The following TOX3 variants were observed in gnomAD, a reference collection of about 807,000 sequenced individuals.
TOX3 encodes the protein TOX high mobility group box family member 3, also known as CAG trinucleotide repeat-containing gene F9 protein.
A neutral mutation model predicts 64.3 loss-of-function variants in TOX3; 22 were observed. The observed-to-expected ratio is 0.34, with a 90% CI of 0.24 to 0.49. The LOEUF is 0.49. Ranked by LOEUF, TOX3 falls within the 20% of genes least tolerant of loss-of-function variation. The pLI is 0.99. For synonymous variants in TOX3, 291 were observed against 273.6 expected (o/e 1.06, Z -0.63); for missense variants, 661 against 714.4 (o/e 0.93, Z 0.85).
chr16:52,501,680 AC>A (rs202096351), intron 1 of TOX3, among the ~76,000 whole-genome samples: 2,055 of 150,050 alleles, frequency 0.014, 33 homozygotes, highest in African/African-American at 0.044. Context: ...AAACAAACAA[AC>A]AAAAAAAAAA....
At chr16:52,485,269 T>TATATATATATATATAC (rs1667527874) in intron 1 of TOX3, among the ~76,000 whole-genome samples, 1 of 146,780 alleles carries the variant, frequency 6.8e-6, no homozygotes, top group African/African-American at 2.5e-5. Flanking sequence ...TATATATATA[T>TATATATATATATATAC]ATACATATCT....
At chr16:52,541,755 G>A (rs1567358296) in intron 1 of TOX3, among the ~76,000 whole-genome samples, 1 of 152,120 alleles carries the variant, frequency 6.6e-6, no homozygotes, top group Non-Finnish European at 1.5e-5. Flanking sequence ...CTAACTATAT[G>A]CTAGTCTCTA....
chr16:52,517,442 A>G (rs1962487880), intron 1 of TOX3, among the ~76,000 whole-genome samples: 1 of 152,132 alleles, frequency 6.6e-6, no homozygotes. Flanking sequence ...GTTGGGGCAA[A>G]GTATTCTCTT....
At chr16:52,476,273 A>T (rs1314215869) in intron 1 of TOX3, among the ~76,000 whole-genome samples, 1 of 152,194 alleles carries the variant, frequency 6.6e-6, no homozygotes, top group Non-Finnish European at 1.5e-5. Context: ...ATGCCTAAAC[A>T]TATGGACTCT....
chr16:52,461,314 C>A (rs1960679806), intron 3 of TOX3, among the ~76,000 whole-genome samples: 1 of 152,126 alleles, frequency 6.6e-6, no homozygotes, highest in South Asian at 2.1e-4. Flanking sequence ...TCTTTGAAGT[C>A]ACAAATGCAT....
chr16:52,495,016 C>A (rs375623665), intron 1 of TOX3, among the ~76,000 whole-genome samples: 1 of 152,134 alleles, frequency 6.6e-6, no homozygotes, highest in Non-Finnish European at 1.5e-5. Flanking sequence ...TGGGTGAAAG[C>A]GGCATCGGTT....
chr16:52,510,928 T>C (rs1212777528), intron 1 of TOX3, among the ~76,000 whole-genome samples: 6 of 152,038 alleles, frequency 3.9e-5, no homozygotes, highest in African/African-American at 1.4e-4. Flanking sequence ...GCCACTATGC[T>C]CTATCAAAGG....
chr16:52,461,483 G>A (rs886891796), intron 3 of TOX3, among the ~76,000 whole-genome samples: 1 of 152,036 alleles, frequency 6.6e-6, no homozygotes, highest in Non-Finnish European at 1.5e-5. Context: ...AGATAAACAT[G>A]TTGTGCTTGT....
chr16:52,492,098 T>C lies in TOX3; in HGVS notation c.88-23524A>G, dbSNP rs144506343. On this transcript the variant is annotated intron_variant, in intron 1 of 6. Coordinates refer to ENST00000219746, the MANE Select transcript of TOX3 (RefSeq NM_001080430.4). Reference sequence around the variant, plus strand: ...GTTGTTCCTGTCTTTGTAAGTGAAATCTATTTCTCAAAATGGGTCTGTACA... The same window carrying C: ...GTTGTTCCTGTCTTTGTAAGTGAAACCTATTTCTCAAAATGGGTCTGTACA... 2.5e-3 allele frequency among the ~76,000 whole-genome samples: 381 copies of C among 152,008 alleles called. 1 individual carries two copies. The highest frequency in any genetic ancestry group is 8.6e-3 in the African/African-American group (355 of 41,462).
At chr16:52,480,248 C>A (rs1484011843) in intron 1 of TOX3, among the ~76,000 whole-genome samples, 2 of 152,200 alleles carry the variant, frequency 1.3e-5, no homozygotes, top group Non-Finnish European at 2.9e-5. Flanking sequence ...GCACATGATG[C>A]AGCCCACATC....
At chr16:52,455,660 C>T (rs900171853) in intron 3 of TOX3, among the ~76,000 whole-genome samples, 3 of 152,036 alleles carry the variant, frequency 2.0e-5, no homozygotes, top group Non-Finnish European at 4.4e-5. Context: ...GGAAAGGCCT[C>T]TCAAAAAAGA....
At chr16:52,478,566 A>G (rs982248155) in intron 1 of TOX3, among the ~76,000 whole-genome samples, 6 of 152,212 alleles carry the variant, frequency 3.9e-5, no homozygotes, top group African/African-American at 1.4e-4. Context: ...CCGTTCTAGA[A>G]TAGACAGTCC....
chr16:52,461,653 A>T (rs766440753), intron 3 of TOX3, among the ~76,000 whole-genome samples: 2 of 152,146 alleles, frequency 1.3e-5, no homozygotes, highest in Non-Finnish European at 2.9e-5. Context: ...TCCTTAACAG[A>T]CAGCCATATT....
chr16:52,479,148 C>T (rs183721764), intron 1 of TOX3, among the ~76,000 whole-genome samples: 152 of 152,210 alleles, frequency 1.0e-3, no homozygotes, highest in African/African-American at 3.5e-3. Flanking sequence ...AGTTTTCAAA[C>T]AAGAGGAGCC....
chr16:52,478,955 C>G (rs1256343428), intron 1 of TOX3, among the ~76,000 whole-genome samples: 3 of 152,098 alleles, frequency 2.0e-5, no homozygotes, highest in Admixed American at 6.6e-5. Context: ...TTGAAACATT[C>G]TGTATAACAT....
At chr16:52,442,317 G>A (rs2151739664) in intron 6 of TOX3, among the ~76,000 whole-genome samples, 1 of 152,290 alleles carries the variant, frequency 6.6e-6, no homozygotes, top group East Asian at 1.9e-4. Context: ...CAACCCTATT[G>A]ATATTTCTGA....
intron 1 of TOX3, among the ~76,000 whole-genome samples, chr16:52,491,013 A>G (rs1453381247): frequency 2.0e-5 from 3 of 152,184 alleles, no homozygotes; most frequent in Non-Finnish European, 2.9e-5. Flanking sequence ...TAGTCTTCCA[A>G]TATGGAAGTC....
intron 1 of TOX3, among the ~76,000 whole-genome samples, chr16:52,507,587 A>G (rs1252456840): frequency 3.9e-5 from 6 of 152,258 alleles, no homozygotes; most frequent in Non-Finnish European, 8.8e-5. Context: ...ACTCAATTGT[A>G]TGCACACAGC....
chr16:52,501,854 A>T (rs1962013373), intron 1 of TOX3, among the ~76,000 whole-genome samples: 1 of 152,204 alleles, frequency 6.6e-6, no homozygotes, highest in Admixed American at 6.5e-5. Context: ...AACCATGTCA[A>T]CAAGTAAAGT....
Sources: gnomAD v4.1 joint callset for allele counts (sites outside exome capture counted in the v4.1 genomes callset) on GRCh38, gnomAD v4.1.1 for gene constraint, MANE v1.5 for transcripts, NCBI Gene and HGNC (gene_info 2026-07-23, HGNC 2026-07-21) for gene names.